The following HDAC8 variants were observed in gnomAD, a reference collection of about 807,000 sequenced individuals.
The protein encoded by HDAC8 is histone deacetylase 8, also known as histone deacetylase-like 1.
Under a neutral mutation model 32.2 loss-of-function variants are expected in HDAC8, and 1 was observed. The ratio of observed to expected loss-of-function variants is 0.03; its 90% CI spans 0.01 to 0.15. The LOEUF is 0.15. Among genes scored for constraint, HDAC8 ranks in the 10% least tolerant of loss-of-function variants. The pLI is 1.00. For missense variants in HDAC8, 117 were observed against 300.0 expected (o/e 0.39, Z 4.51); for synonymous variants, 108 against 113.9 (o/e 0.95, Z 0.33).
chrX:72,473,965 A>G, intron 7 of HDAC8: 2 of 668,651 alleles, frequency 3.0e-6, no homozygotes, highest in Non-Finnish European at 3.6e-6. Context: ...CAGTCCAGCC[A>G]AACTAAAACC....
At chrX:72,561,913 A>G (rs1357177687) in intron 4 of HDAC8, among the ~76,000 whole-genome samples, 2 of 112,607 alleles carry the variant, frequency 1.8e-5, no homozygotes, top group Non-Finnish European at 3.7e-5. Flanking sequence ...CAAATGGCCA[A>G]CAAACATATG....
At chrX:72,344,911 T>C (rs189874335) in intron 10 of HDAC8, among the ~76,000 whole-genome samples, 1 of 111,990 alleles carries the variant, frequency 8.9e-6, no homozygotes, top group Non-Finnish European at 1.9e-5. Context: ...GGTGCTCTAA[T>C]TTCAGAACCT....
At chrX:72,472,632 C>T (rs1377545453) in intron 7 of HDAC8, among the ~76,000 whole-genome samples, 2 of 111,461 alleles carry the variant, frequency 1.8e-5, no homozygotes, top group Non-Finnish European at 3.8e-5. Flanking sequence ...CCTTCTGTTT[C>T]GAGATTGCTT....
chrX:72,446,419 G>A lies in HDAC8; in HGVS notation c.1005+15585C>T, dbSNP rs781818144. 7.2e-5 allele frequency among the ~76,000 whole-genome samples: 8 copies of A among 110,473 alleles called. 1 individual carries two copies. In the South Asian group the frequency reaches 3.1e-3, roughly 43 times the overall value. On this transcript the variant is annotated intron_variant, in intron 9 of 10. Coordinates refer to ENST00000373573, the MANE Select transcript of HDAC8 (RefSeq NM_018486.3). ...ATGAAATTGGAAATCATCATTCTCA[G>A]TAAACTATCGCAAGGACAAAAAACC...
At chrX:72,556,548 G>A (rs782272974) in intron 4 of HDAC8, among the ~76,000 whole-genome samples, 2 of 111,301 alleles carry the variant, frequency 1.8e-5, no homozygotes, top group East Asian at 5.7e-4. Flanking sequence ...GAAGGTAAAG[G>A]GGCAGAAAAA....
At chrX:72,363,318 C>T (rs1376766841) in intron 9 of HDAC8, among the ~76,000 whole-genome samples, 1 of 111,655 alleles carries the variant, frequency 9.0e-6, no homozygotes, top group Non-Finnish European at 1.9e-5. Flanking sequence ...TTCCTTAAGC[C>T]AAGGGTGGGG....
intron 9 of HDAC8, among the ~76,000 whole-genome samples, chrX:72,452,310 G>T (rs1320675360): frequency 2.7e-5 from 3 of 111,748 alleles, no homozygotes; most frequent in African/African-American, 9.8e-5. Context: ...ACAAAAATTA[G>T]CTGGGCATGG....
At chrX:72,564,109 G>A (rs1157926811) in intron 4 of HDAC8, among the ~76,000 whole-genome samples, 2 of 110,286 alleles carry the variant, frequency 1.8e-5, no homozygotes, top group African/African-American at 6.6e-5. Flanking sequence ...GCAGTGAGCC[G>A]AGATCACACC....
At chrX:72,391,348 A>G (rs2045607397) in intron 9 of HDAC8, among the ~76,000 whole-genome samples, 1 of 112,466 alleles carries the variant, frequency 8.9e-6, no homozygotes, top group African/African-American at 3.2e-5. Context: ...GTGAATACCC[A>G]TTCCTAACTC....
intron 9 of HDAC8, among the ~76,000 whole-genome samples, chrX:72,398,224 A>G (rs1236787786): frequency 1.8e-5 from 2 of 112,246 alleles, no homozygotes; most frequent in Non-Finnish European, 3.8e-5. Flanking sequence ...CTGATTACCA[A>G]GGAGGTTGAG....
chrX:72,453,333 T>G (rs1405103055), intron 9 of HDAC8, among the ~76,000 whole-genome samples: 1 of 108,882 alleles, frequency 9.2e-6, no homozygotes, highest in Non-Finnish European at 1.9e-5. Flanking sequence ...GGAGTGCACC[T>G]GTAGTCCTAT....
At chrX:72,490,307 T>C (rs1399034443) in intron 6 of HDAC8, among the ~76,000 whole-genome samples, 2 of 110,348 alleles carry the variant, frequency 1.8e-5, no homozygotes, top group African/African-American at 3.3e-5. Context: ...TGCATACGTA[T>C]GTTTATTGCA....
At chrX:72,377,816 C>T (rs1429650441) in intron 9 of HDAC8, among the ~76,000 whole-genome samples, 4 of 111,480 alleles carry the variant, frequency 3.6e-5, no homozygotes, top group Non-Finnish European at 7.5e-5. Context: ...AATATAATTA[C>T]TGATAAGGCA....
chrX:72,361,510 T>C (rs1172513222), intron 9 of HDAC8, among the ~76,000 whole-genome samples: 2 of 111,223 alleles, frequency 1.8e-5, no homozygotes, highest in Non-Finnish European at 3.8e-5. Flanking sequence ...ATATGCTCAA[T>C]ATTAACATCT....
At chrX:72,518,471 A>G (rs1556026596) in intron 4 of HDAC8, among the ~76,000 whole-genome samples, 3 of 111,753 alleles carry the variant, frequency 2.7e-5, no homozygotes, top group South Asian at 7.6e-4. Flanking sequence ...AGAAAAATTG[A>G]GCAGATAGAG....
At chrX:72,405,183 A>G (rs1390936357) in intron 9 of HDAC8, among the ~76,000 whole-genome samples, 1 of 111,044 alleles carries the variant, frequency 9.0e-6, no homozygotes, top group Non-Finnish European at 1.9e-5. Flanking sequence ...CTATGTGTCC[A>G]TGTGTTCTTA....
chrX:72,484,672 G>A (rs1171444828), intron 7 of HDAC8, among the ~76,000 whole-genome samples: 1 of 111,652 alleles, frequency 9.0e-6, no homozygotes, highest in Non-Finnish European at 1.9e-5. Flanking sequence ...TTCTTCATTC[G>A]AACTTCACAT....
chrX:72,435,258 C>T (rs2046917312), intron 9 of HDAC8, among the ~76,000 whole-genome samples: 2 of 112,016 alleles, frequency 1.8e-5, no homozygotes, highest in Non-Finnish European at 3.8e-5. Context: ...TGTGTGATGG[C>T]TGGTAGAGCT....
At chrX:72,473,932 C>A (rs1411256856) in intron 7 of HDAC8, 1 of 720,207 alleles carries the variant, frequency 1.4e-6, no homozygotes, top group Non-Finnish European at 1.6e-6. Context: ...ATCTTCTTTG[C>A]AACTTCTCCT....
Sources: allele counts gnomAD v4.1 joint callset (sites outside exome capture counted in the v4.1 genomes callset), GRCh38; gene constraint gnomAD v4.1.1; transcripts MANE v1.5; gene names NCBI Gene and HGNC (gene_info 2026-07-23, HGNC 2026-07-21).